SHOC2: variants seen among roughly 807,000 people sequenced by gnomAD.
SHOC2 encodes leucine-rich repeat protein SHOC-2.
SHOC2 carries 4 observed loss-of-function variants against 50.2 expected under a neutral mutation model. That is an observed-to-expected ratio of 0.08 (90% CI 0.04 to 0.18). The LOEUF (loss-of-function observed/expected upper bound fraction) is 0.18. Ranked by LOEUF, SHOC2 falls within the 10% of genes least tolerant of loss-of-function variation. The pLI is 1.00. For synonymous variants in SHOC2, 218 were observed against 244.5 expected (o/e 0.89, Z 1.01); for missense variants, 388 against 669.6 (o/e 0.58, Z 4.64).
chr10:110,973,248 G>A (rs1847816310), intron 2 of SHOC2, among the ~76,000 whole-genome samples: 1 of 151,994 alleles, frequency 6.6e-6, no homozygotes, highest in Admixed American at 6.5e-5. Context: ...CTGAATATTT[G>A]AAAAATATCC....
At chr10:110,925,136 T>TGTATCATGTTAAGA (rs1192614628) in intron 1 of SHOC2, among the ~76,000 whole-genome samples, 1 of 151,120 alleles carries the variant, frequency 6.6e-6, no homozygotes, top group East Asian at 1.9e-4. Context: ...TCAGCATTTA[T>TGTATCATGTTAAGA]GTATCATGTT....
At chr10:110,952,270 C>T (rs185712162) in intron 1 of SHOC2, among the ~76,000 whole-genome samples, 1 of 152,114 alleles carries the variant, frequency 6.6e-6, no homozygotes, top group African/African-American at 2.4e-5. Flanking sequence ...CCCGTATATT[C>T]CCTTTTCCAC....
In SHOC2 at chr10:110,964,594, C is replaced by T; in HGVS notation, c.236C>T (p.Pro79Leu). The change falls in exon 2 of 9, where the codon CCT becomes CTT. Residue 79 changes from proline (P) to leucine (L), a missense_variant. This residue lies in a region of SHOC2 where 121 missense variants were observed against 145.5 expected (regional missense o/e 0.83). Coordinates refer to ENST00000369452, the MANE Select transcript of SHOC2 (RefSeq NM_007373.4). The surrounding 1 kb of genome is among the most constrained non-coding windows in gnomAD (Gnocchi z 4.9). ...ACGATCAAACGGCCAAACCCAGCAC[C>T]TGGGACTAGAAAAAAATCCAGCAAT... The part of the protein sequence containing the change: ...DNTIKRPNPA[P>L]GTRKKSSNAE... 2 of 1,614,056 alleles carry T rather than the reference C, an allele frequency of 1.2e-6. No individual in the cohort carries two copies. Among genetic ancestry groups the T allele is most frequent in the Non-Finnish European group, 1.7e-6 (2 of 1,179,996 alleles).
chr10:110,987,669 C>CT (rs913257677), intron 3 of SHOC2, among the ~76,000 whole-genome samples: 10 of 151,692 alleles, frequency 6.6e-5, no homozygotes, highest in Non-Finnish European at 8.8e-5. Flanking sequence ...TTATTTCATG[C>CT]TTTTTTTTCT....
intron 1 of SHOC2, among the ~76,000 whole-genome samples, chr10:110,936,009 T>C (rs1371538634): frequency 6.6e-6 from 1 of 152,138 alleles, no homozygotes; most frequent in Non-Finnish European, 1.5e-5. Context: ...TTAAAGTTTA[T>C]GAAAACTATT....
At chr10:110,990,032 C>G (rs1177506926) in intron 3 of SHOC2, among the ~76,000 whole-genome samples, 1 of 152,216 alleles carries the variant, frequency 6.6e-6, no homozygotes, top group African/African-American at 2.4e-5. Flanking sequence ...AATGCATAAT[C>G]TCATCATAAT....
chr10:110,958,152 C>A (rs1198306763), intron 1 of SHOC2, among the ~76,000 whole-genome samples: 1 of 152,096 alleles, frequency 6.6e-6, no homozygotes, highest in African/African-American at 2.4e-5. Context: ...TTTGACAATA[C>A]CCTTTCCTAG....
rs143242369 is a variant in SHOC2 at position 111,011,649 on chromosome 10, A to G, written c.1580A>G (p.Asn527Ser). 108 of 1,613,820 alleles carry G rather than the reference A, an allele frequency of 6.7e-5. No homozygotes were observed. Among genetic ancestry groups the G allele is most frequent in the Non-Finnish European group, 8.1e-5 (95 of 1,179,936 alleles). The change falls in exon 9 of 9, where the codon AAC becomes AGC. Residue 527 changes from asparagine to serine, a missense_variant. By Grantham distance (46) the Asn-to-Ser change is conservative. Coordinates refer to ENST00000369452, the MANE Select transcript of SHOC2 (RefSeq NM_007373.4). ...ENLEELYLND[N>S]PNLHSLPFEL... ...CTAGAAGAACTGTATTTGAATGACA[A>G]CCCCAACCTGCATAGCCTTCCCTTT...
chr10:110,977,343 C>T (rs1196766158), intron 2 of SHOC2, among the ~76,000 whole-genome samples: 1 of 150,742 alleles, frequency 6.6e-6, no homozygotes, highest in Non-Finnish European at 1.5e-5. Context: ...TCTCTGCCTT[C>T]TGGGTTCAAG....
intron 2 of SHOC2, among the ~76,000 whole-genome samples, chr10:110,974,231 C>A (rs1303449820): frequency 6.6e-6 from 1 of 151,864 alleles, no homozygotes; most frequent in Non-Finnish European, 1.5e-5. Flanking sequence ...TTCTAAATAT[C>A]CCTTTTTATA....
chr10:111,011,018 G>A (rs1170771390), intron 8 of SHOC2, among the ~76,000 whole-genome samples: 3 of 152,028 alleles, frequency 2.0e-5, no homozygotes, highest in African/African-American at 7.2e-5. Flanking sequence ...TCATTTAATT[G>A]CTTGAGACAT....
chr10:110,955,421 G>C (rs914493948), intron 1 of SHOC2, among the ~76,000 whole-genome samples: 1 of 152,200 alleles, frequency 6.6e-6, no homozygotes, highest in Admixed American at 6.5e-5. Context: ...AGCAGTTTGG[G>C]ATAAAGATCT....
intron 5 of SHOC2, among the ~76,000 whole-genome samples, chr10:111,007,303 A>G (rs1049812178): frequency 1.3e-5 from 2 of 152,236 alleles, no homozygotes; most frequent in Admixed American, 6.5e-5. Context: ...TTATAATCAC[A>G]TAAGGAACAA....
At chr10:110,941,782 G>A (rs991113437) in intron 1 of SHOC2, among the ~76,000 whole-genome samples, 3 of 151,946 alleles carry the variant, frequency 2.0e-5, no homozygotes, top group Non-Finnish European at 4.4e-5. Flanking sequence ...GAAGTGCAGT[G>A]TATTGATTCT....
At chr10:110,930,077 G>T (rs1449133357) in intron 1 of SHOC2, among the ~76,000 whole-genome samples, 1 of 152,014 alleles carries the variant, frequency 6.6e-6, no homozygotes, top group Admixed American at 6.6e-5. Context: ...TTAGCTTTGT[G>T]ATATTTTTTA....
intron 1 of SHOC2, among the ~76,000 whole-genome samples, chr10:110,944,480 T>A (rs1362005075): frequency 6.6e-6 from 1 of 152,156 alleles, no homozygotes; most frequent in Non-Finnish European, 1.5e-5. Context: ...TCTTCCTGTG[T>A]ATGGTTCATA....
intron 2 of SHOC2, among the ~76,000 whole-genome samples, chr10:110,966,175 T>TA (rs780177300): frequency 2.0e-5 from 3 of 152,266 alleles, no homozygotes; most frequent in Non-Finnish European, 4.4e-5. Flanking sequence ...TATGACTTGT[T>TA]ACATTTAACT....
intron 1 of SHOC2, 197 bp downstream of exon 1, chr10:110,919,854 C>T (rs1469419746): frequency 1.1e-5 from 4 of 370,094 alleles, no homozygotes; most frequent in Admixed American, 9.2e-5. Flanking sequence ...TTCCTGGTTG[C>T]TGTCTCCGGG....
intron 1 of SHOC2, among the ~76,000 whole-genome samples, chr10:110,923,943 C>A (rs1314752218): frequency 6.6e-6 from 1 of 151,922 alleles, no homozygotes; most frequent in Non-Finnish European, 1.5e-5. Flanking sequence ...TTTCTAATGT[C>A]TTGGAGGTAA....
Sources: gnomAD v4.1 joint callset for allele counts (sites outside exome capture counted in the v4.1 genomes callset) on GRCh38, gnomAD v4.1.1 for gene constraint, gnomAD v4.1.1 regional missense constraint, Gnocchi (gnomAD v3.1) non-coding constraint, MANE v1.5 for transcripts, NCBI Gene and HGNC (gene_info 2026-07-23, HGNC 2026-07-21) for gene names.